SPAST: variants seen among roughly 807,000 people sequenced by gnomAD.
SPAST encodes spastin, also known as spastic paraplegia 4 (autosomal dominant; spastin).
SPAST carries 30 observed loss-of-function variants against 76.6 expected under a neutral mutation model. That is an observed-to-expected ratio of 0.39 (90% CI 0.29 to 0.53). The LOEUF is 0.53. Among genes scored for constraint, SPAST ranks in the 20% least tolerant of loss-of-function variants. The pLI is 0.68. For synonymous variants in SPAST, 305 were observed against 281.0 expected (o/e 1.09, Z -0.86); for missense variants, 717 against 770.5 (o/e 0.93, Z 0.82).
chr2:32,137,725 CTT>C (rs1217061544), intron 12 of SPAST, among the ~76,000 whole-genome samples: 1 of 151,990 alleles, frequency 6.6e-6, no homozygotes, highest in Non-Finnish European at 1.5e-5. Flanking sequence ...TTTTTTCTCT[CTT>C]TACTGGATGG....
intron 3 of SPAST, among the ~76,000 whole-genome samples, chr2:32,091,245 C>CTATTATTATTAT (rs139735937): frequency 2.4e-5 from 3 of 126,910 alleles, no homozygotes; most frequent in Non-Finnish European, 4.9e-5. Context: ...TAATATGAAG[C>CTATTATTATTAT]TATTATTATT....
At chr2:32,086,076 G>A (rs186596141) in intron 1 of SPAST, among the ~76,000 whole-genome samples, 6 of 151,744 alleles carry the variant, frequency 4.0e-5, no homozygotes, top group South Asian at 2.1e-4. Context: ...AATAGACTTC[G>A]TCTGTTTCAT....
chr2:32,149,526 G>T (rs543088604), intron 16 of SPAST, among the ~76,000 whole-genome samples: 1 of 152,230 alleles, frequency 6.6e-6, no homozygotes, highest in African/African-American at 2.4e-5. Flanking sequence ...GCAAAATTTT[G>T]AAATCAGGCT....
intron 2 of SPAST, among the ~76,000 whole-genome samples, chr2:32,087,948 A>G (rs1677559670): frequency 6.6e-6 from 1 of 151,226 alleles, no homozygotes; most frequent in Admixed American, 6.6e-5. Flanking sequence ...CAATGGTGCA[A>G]TCTCGGCTCA....
At position 32,154,357 on chromosome 2, in the gene SPAST, G is replaced by C. The variant is rs556400531; in HGVS notation, c.1729-17G>C. The C allele has an allele frequency of 6.2e-7, 1 of 1,608,346 alleles. No individual in the cohort carries two copies. The highest frequency in any genetic ancestry group is 1.7e-5 in the Admixed American group (1 of 59,998). On this transcript the variant is annotated splice_polypyrimidine_tract_variant and intron_variant, in intron 16 of 16. Transcript: ENST00000315285. ...CTGTTGATCATTTGTATTGTCATGT[G>C]CTTTTTAAAAATCTAGATGAGAAAT... is the stretch of plus-strand genomic sequence containing the variant.
intron 2 of SPAST, 116 bp downstream of exon 2, chr2:32,087,694 CTTTTT>C (rs770566493): frequency 6.7e-4 from 125 of 186,042 alleles, no homozygotes; most frequent in South Asian, 1.1e-3. Flanking sequence ...CTTTTCTTTT[CTTTTT>C]TTTTTTTTTT....
intron 16 of SPAST, among the ~76,000 whole-genome samples, chr2:32,152,511 C>T (rs1680121620): frequency 6.6e-6 from 1 of 152,094 alleles, no homozygotes; most frequent in South Asian, 2.1e-4. Context: ...GAGCCGAGAT[C>T]ATGCCACTGC....
chr2:32,084,411 G>A (rs565930085), intron 1 of SPAST, among the ~76,000 whole-genome samples: 1 of 150,602 alleles, frequency 6.6e-6, no homozygotes, highest in African/African-American at 2.4e-5. Context: ...TGATCCACCC[G>A]TCTCGGCCTC....
Position 32,070,823 on chromosome 2 carries a change from A to G in SPAST, c.415+6577A>G, listed in dbSNP as rs114749627. Among the ~76,000 whole-genome samples the G allele has an allele frequency of 3.7e-3, 564 of 152,290 alleles. 5 individuals carry two copies. Among genetic ancestry groups the G allele is most frequent in the African/African-American group, 0.013 (554 of 41,562 alleles). ...TTTTTAATTTTTTGTAGAGATGGTGATCTTGCCCTGTTGACTAAGTTGGTA... is the reference window on the plus strand; with the variant it reads ...TTTTTAATTTTTTGTAGAGATGGTGGTCTTGCCCTGTTGACTAAGTTGGTA... On this transcript the variant is annotated intron_variant, in intron 1 of 16. Coordinates refer to ENST00000315285, the MANE Select transcript of SPAST (RefSeq NM_014946.4).
intron 1 of SPAST, among the ~76,000 whole-genome samples, chr2:32,083,498 C>G (rs1281438950): frequency 6.6e-6 from 1 of 150,842 alleles, no homozygotes; most frequent in Non-Finnish European, 1.5e-5. Flanking sequence ...TTTTTATGTT[C>G]TTTTGTTTTT....
chr2:32,118,424 A>G (rs1375563939), intron 7 of SPAST, among the ~76,000 whole-genome samples: 1 of 152,232 alleles, frequency 6.6e-6, no homozygotes, highest in Non-Finnish European at 1.5e-5. Context: ...AATTATTAAA[A>G]TAGAAAGCAT....
At chr2:32,130,762 A>G (rs1679346325) in intron 9 of SPAST, among the ~76,000 whole-genome samples, 1 of 151,598 alleles carries the variant, frequency 6.6e-6, no homozygotes, top group Admixed American at 6.6e-5. Flanking sequence ...TCCAGAGGTG[A>G]TCACCACATG....
At chr2:32,113,947 GT>G (rs1392096701) in intron 4 of SPAST, among the ~76,000 whole-genome samples, 28 of 142,334 alleles carry the variant, frequency 2.0e-4, no homozygotes, top group Admixed American at 3.5e-4. Context: ...TTGTTTTTTT[GT>G]TTTTTTTTTT....
At chr2:32,151,093 C>T (rs1023276285) in intron 16 of SPAST, among the ~76,000 whole-genome samples, 19 of 151,952 alleles carry the variant, frequency 1.3e-4, no homozygotes, top group Non-Finnish European at 8.8e-5. Context: ...TACAGGCATG[C>T]GCCACTATGC....
chr2:32,129,200 C>T (rs950527092), intron 9 of SPAST: 2 of 151,918 alleles, frequency 1.3e-5, no homozygotes, highest in African/African-American at 4.8e-5. Context: ...CTGAGTATTT[C>T]TGGCCTTCTG....
At chr2:32,133,769 A>G (rs1679445651) in intron 9 of SPAST, among the ~76,000 whole-genome samples, 1 of 152,016 alleles carries the variant, frequency 6.6e-6, no homozygotes, top group African/African-American at 2.4e-5. Context: ...GCTAGATTTA[A>G]ATACTAGGGA....
intron 1 of SPAST, among the ~76,000 whole-genome samples, chr2:32,085,976 AG>A (rs1449750482): frequency 6.6e-6 from 1 of 152,004 alleles, no homozygotes; most frequent in East Asian, 2.0e-4. Flanking sequence ...AGGGAGTCGG[AG>A]GTTGCAGTGA....
intron 1 of SPAST, among the ~76,000 whole-genome samples, chr2:32,080,895 A>C (rs1355211716): frequency 8.9e-5 from 13 of 146,440 alleles, no homozygotes; most frequent in Non-Finnish European, 1.5e-5. Flanking sequence ...CCTGGCTTCA[A>C]GTGATTCTCC....
At chr2:32,097,246 A>C (rs1677949012) in intron 3 of SPAST, among the ~76,000 whole-genome samples, 1 of 152,306 alleles carries the variant, frequency 6.6e-6, no homozygotes, top group Middle Eastern at 3.4e-3. Flanking sequence ...AGAGACCCAG[A>C]TCTTGGGAGG....
Sources: gnomAD v4.1 joint callset for allele counts (sites outside exome capture counted in the v4.1 genomes callset) on GRCh38, gnomAD v4.1.1 for gene constraint, MANE v1.5 for transcripts, NCBI Gene and HGNC (gene_info 2026-07-23, HGNC 2026-07-21) for gene names.